Variants in F12 observed in about 807,000 individuals in gnomAD.
F12 encodes coagulation factor XII, also known as Hageman factor.
Under a neutral mutation model 74.8 loss-of-function variants are expected in F12, and 70 were observed. That is an observed-to-expected ratio of 0.94 (90% CI 0.77 to 1.14). The LOEUF is 1.14. F12 is among the 50% of genes most tolerant of loss of function. F12 has a pLI of 0.00. For missense variants in F12, 811 were observed against 835.7 expected, an observed-to-expected ratio of 0.97 and a Z score of 0.36; for synonymous variants, 373 against 356.4, an observed-to-expected ratio of 1.05 and a Z score of -0.52.
chr5:177,405,702 GCCCCAGGCCA>G (rs746345227), intron 4 of F12, 23 bp downstream of exon 4: 7 of 1,607,636 alleles, frequency 4.4e-6, no homozygotes, highest in Non-Finnish European at 6.0e-6. Context: ...GGAGGAGAGA[GCCCCAGGCCA>G]CCCCAGAGGC....
At chr5:177,404,694 C>T in intron 7 of F12, 30 bp from the exon 8 acceptor site, 1 of 1,606,750 alleles carries the variant, frequency 6.2e-7, no homozygotes, top group South Asian at 1.1e-5. Flanking sequence ...CCTGGGCAGC[C>T]AAGGCTGGGC....
rs1230433689 is a variant in F12 at position 177,404,201 on chromosome 5, G to A, written c.1013C>T (p.Pro338Leu). 1.2e-6 allele frequency: 2 copies of A among 1,603,372 alleles called. No individual in the cohort carries two copies. The highest frequency in any genetic ancestry group is 1.3e-5 in the African/African-American group (1 of 74,744). Residue 338 changes from proline (P) to leucine (L), a missense_variant, in exon 9 of 14, where the codon CCG (proline) becomes CTG (leucine). Pro to Leu is a moderately conservative substitution (Grantham distance 98, BLOSUM62 -3). Transcript: ENST00000253496. ...TTRTPPQSQTPGALPAKREQP... is the reference protein window; with the variant it reads ...TTRTPPQSQTLGALPAKREQP... ...TCCCCCCCCCACTTCCTAACCTCCC[G>A]GGGTCTGGGACTGAGGCGGGGTCCG...
At position 177,402,193 on chromosome 5, in the gene F12, T is replaced by C. The variant is rs533822405; in HGVS notation, c.*99A>G. ...TTCCTGCGCCATCCTGGCGCGGAGC[T>C]GGCCGCACTGGGGGAATGGGACACA... is the stretch of plus-strand genomic sequence containing the variant. On this transcript the variant is annotated 3_prime_UTR_variant, in exon 14 of 14. Transcript: ENST00000253496. 3.8e-5 allele frequency: 57 copies of C among 1,487,220 alleles called. No individual in the cohort carries two copies. In the African/African-American group the frequency reaches 7.3e-4, roughly 19 times the overall value. 92.1% of individuals were successfully genotyped at this position (1,487,220 alleles called of 1,614,324 possible).
Position 177,409,102 on chromosome 5 carries a change from A to C in F12, c.59T>G (p.Ile20Ser), listed in dbSNP as rs780851583. ...CTCCTTGGGGGCTTCCCAAGGTGGA[A>C]TCTACAAGGGAGAGAAGAAGGCAGG... ...LLVSLESTLS[I>S]PPWEAPKEHK... Residue 20 changes from isoleucine (I) to serine (S), a missense_variant and splice_region_variant, in exon 2 of 14, where the codon ATT becomes AGT. Ile to Ser is a moderately radical substitution (Grantham distance 142). Transcript: ENST00000253496. The C allele has an allele frequency of 6.4e-6, 10 of 1,551,668 alleles. No homozygotes were observed. In the East Asian group the frequency reaches 1.7e-4, roughly 27 times the overall value.
At chr5:177,408,303 C>A (rs550944225) in intron 2 of F12, among the ~76,000 whole-genome samples, 10 of 152,258 alleles carry the variant, frequency 6.6e-5, no homozygotes, top group Non-Finnish European at 8.8e-5. Flanking sequence ...ATCCACCGAC[C>A]TTGGCCTCCC....
chr5:177,402,395 C>G lies in F12; in HGVS notation c.1745G>C (p.Gly582Ala). The change falls in exon 14 of 14, where the codon GGC (glycine) becomes GCC (alanine). Residue 582 changes from glycine (G) to alanine (A), a missense_variant. Gly to Ala is a moderately conservative substitution (Grantham distance 60, BLOSUM62 0). Transcript: ENST00000253496. ...ACAGCCCGATCCCCAGCTGATGATG[C>G]CTTGCAGGGTGAGCCGGCGCTCTGC... ...QAAERRLTLQ[G>A]IISWGSGCGD... 1 of 1,613,462 alleles carries G rather than the reference C, an allele frequency of 6.2e-7. No homozygotes were observed. The highest frequency in any genetic ancestry group is 2.2e-5 in the East Asian group (1 of 44,848).
At chr5:177,406,095 C>T in intron 2 of F12, 34 bp from the exon 3 acceptor site, 1 of 1,550,898 alleles carries the variant, frequency 6.4e-7, no homozygotes. Context: ...AGGACTTCCC[C>T]TGTACTCAAC....
At position 177,404,059 on chromosome 5, in the gene F12, G is replaced by C. The variant is rs768418702; in HGVS notation, c.1050C>G (p.Ser350=). The change falls in exon 10 of 14, where the codon TCC becomes TCG. Residue 350 remains serine (S), a synonymous_variant. Coordinates refer to ENST00000253496, the MANE Select transcript of F12 (RefSeq NM_000505.4). Reference sequence around the variant, plus strand: ...AGCTCAGTGGGCCGTTCCTGGTCAGGGAAGGCGGCTGCTCCCGCTTCGCCG... The same window carrying C: ...AGCTCAGTGGGCCGTTCCTGGTCAGCGAAGGCGGCTGCTCCCGCTTCGCCG... The part of the protein sequence containing the change: ...ALPAKREQPP[S]LTRNGPLSCG... The C allele has an allele frequency of 6.2e-7, 1 of 1,602,684 alleles. No homozygotes were observed. Among genetic ancestry groups the C allele is most frequent in the Non-Finnish European group, 8.5e-7 (1 of 1,179,514 alleles).
At position 177,404,393 on chromosome 5, in the gene F12, C is replaced by A. The variant is rs776402447; in HGVS notation, c.821G>T (p.Arg274Leu). The A allele has an allele frequency of 1.2e-6, 2 of 1,611,990 alleles. No homozygotes were observed. Among genetic ancestry groups the A allele is most frequent in the Admixed American group, 3.3e-5 (2 of 59,968 alleles). ...AFCRNPDNDI[R>L]PWCFVLNRDR... ...GCGGTTCAGCACGAAGCACCACGGG[C>A]GGATGTCGTTGTCCGGGTTCCTGTA... is the stretch of plus-strand genomic sequence containing the variant. Residue 274 changes from arginine (R) to leucine (L), a missense_variant, in exon 9 of 14, where the codon CGC becomes CTC. Coordinates refer to ENST00000253496, the MANE Select transcript of F12 (RefSeq NM_000505.4).
chr5:177,402,159 T>C lies in F12; in HGVS notation c.*133A>G. ...TTCCTTCTCAGCATTTTCAAAGCACTTTATTGAGTTCCTGCGCCATCCTGG... is the reference window on the plus strand; with the variant it reads ...TTCCTTCTCAGCATTTTCAAAGCACCTTATTGAGTTCCTGCGCCATCCTGG... On this transcript the variant is annotated 3_prime_UTR_variant, in exon 14 of 14. Transcript: ENST00000253496. 8.4e-7 allele frequency: 1 copy of C among 1,187,392 alleles called. No homozygotes were observed. 73.6% of individuals were successfully genotyped at this position (1,187,392 alleles called of 1,614,324 possible).
At chr5:177,408,377 G>C (rs1159356421) in intron 2 of F12, among the ~76,000 whole-genome samples, 1 of 152,190 alleles carries the variant, frequency 6.6e-6, no homozygotes, top group African/African-American at 2.4e-5. Context: ...GTGTCTGGAA[G>C]AATGAAAGCA....
intron 8 of F12, 23 bp downstream of exon 8, chr5:177,404,476 T>C (rs746177516): frequency 1.3e-6 from 2 of 1,592,546 alleles, no homozygotes; most frequent in African/African-American, 2.7e-5. Context: ...GGCGGAGGGG[T>C]CACCCAGCCC....
rs567209472 is a variant in F12, at chr5:177,406,181, C to T, written c.116-120G>A. 33 of 931,402 alleles carry T rather than the reference C, an allele frequency of 3.5e-5. No homozygotes were observed. The East Asian group carries it at 7.9e-4, about 22-fold the overall frequency. The allele number at this position is 931,402 out of a possible 1,614,324, so 57.7% of individuals were successfully genotyped here. A position where few individuals can be genotyped will look rare whatever the true frequency, so the allele number is the denominator to read the frequency against. On this transcript the variant is annotated intron_variant, in intron 2 of 13. Transcript: ENST00000253496. ...AAAAGGTCGCTGTGCATTGAAAACA[C>T]TTTCTGCTCTAAAAGTTGGGTTCAG... is the stretch of plus-strand genomic sequence containing the variant.
Position 177,406,062 on chromosome 5 carries a change from C to A in F12, c.116-1G>T. The A allele has an allele frequency of 6.2e-7, 1 of 1,613,690 alleles. No individual in the cohort carries two copies. The highest frequency in any genetic ancestry group is 8.5e-7 in the Non-Finnish European group (1 of 1,179,682). ...CAGGGCTCCCCGGTGACAGTGAGAA[C>A]TGCAGGGACAACACACTCTCTGAGG... is the stretch of plus-strand genomic sequence containing the variant. On this transcript the variant is annotated splice_acceptor_variant, in intron 2 of 13. Transcript: ENST00000253496. LOFTEE classifies it high-confidence loss of function.
At position 177,405,374 on chromosome 5, in the gene F12, C is replaced by T. The variant is rs754877167; in HGVS notation, c.346G>A (p.Gly116Ser). 1.7e-5 allele frequency: 28 copies of T among 1,614,168 alleles called. No individual in the cohort carries two copies. Among genetic ancestry groups the T allele is most frequent in the Non-Finnish European group, 2.2e-5 (26 of 1,180,012 alleles). The part of the protein sequence containing the change: ...KGGTCVNMPS[G>S]PHCLCPQHLT... The stretch of plus-strand genomic sequence containing the variant: ...TGTTGTGGACAGAGACAGTGGGGGC[C>T]GCTTGGCATGTTCACACAGGTCCCT... Residue 116 changes from glycine (G) to serine (S), a missense_variant, in exon 5 of 14, where the codon GGC becomes AGC. Transcript: ENST00000253496.
Position 177,404,082 on chromosome 5 carries a change from C to G in F12, c.1027G>C (p.Ala343Pro), listed in dbSNP as rs183643295. The change falls in exon 10 of 14, where the codon GCG (alanine) becomes CCG (proline). Residue 343 changes from alanine (A) to proline (P), a missense_variant. Physicochemically the swap from Ala to Pro is conservative, Grantham distance 27. Coordinates refer to ENST00000253496, the MANE Select transcript of F12 (RefSeq NM_000505.4). ...PQSQTPGALP[A>P]KREQPPSLTR... is the part of the protein sequence containing the mutation. ...AGGGAAGGCGGCTGCTCCCGCTTCG[C>G]CGGCAAGGCTGTGGAGGAGCAGGGG... 2,314 of 1,602,464 alleles carry G rather than the reference C, an allele frequency of 1.4e-3. 37 individuals carry two copies. In the East Asian group the frequency reaches 0.041, roughly 29 times the overall value.
rs1172176120 is a variant in F12 at position 177,404,032 on chromosome 5, G to A, written c.1077C>T (p.Cys359=). The part of the protein sequence containing the change: ...PSLTRNGPLS[C]GQRLRKSLSS... ...ACAGACTCTTGCGGAGCCGCTGCCC[G>A]CAGCTCAGTGGGCCGTTCCTGGTCA... The change falls in exon 10 of 14, where the codon TGC becomes TGT. Residue 359 remains cysteine, a synonymous_variant. Transcript: ENST00000253496. The A allele has an allele frequency of 6.2e-7, 1 of 1,602,244 alleles. No homozygotes were observed.
chr5:177,402,923 C>T (rs1034620913), intron 12 of F12: 1 of 694,294 alleles, frequency 1.4e-6, no homozygotes, highest in Non-Finnish European at 2.4e-6. Context: ...AACCCCTCCC[C>T]CACCACCCAT....
chr5:177,403,071 C>G, intron 12 of F12, 183 bp downstream of exon 12: 1 of 790,942 alleles, frequency 1.3e-6, no homozygotes, highest in Non-Finnish European at 2.0e-6. Context: ...TTGGGGATCC[C>G]AGCAGTGAAT....
Sources: gnomAD v4.1 joint callset for allele counts (sites outside exome capture counted in the v4.1 genomes callset) on GRCh38, gnomAD v4.1.1 for gene constraint, MANE v1.5 for transcripts, NCBI Gene and HGNC (gene_info 2026-07-23, HGNC 2026-07-21) for gene names.